ACVR1B: variants seen among roughly 807,000 people sequenced by gnomAD.
ACVR1B encodes activin receptor type-1B.
Under a neutral mutation model 55.6 loss-of-function variants are expected in ACVR1B, and 15 were observed. The ratio of observed to expected loss-of-function variants is 0.27; its 90% CI spans 0.18 to 0.42. The LOEUF (loss-of-function observed/expected upper bound fraction) is 0.42, where lower values mean the gene tolerates loss of function less well. ACVR1B is among the 10% of genes least tolerant of loss of function. The pLI is 1.00. For synonymous variants in ACVR1B, 247 were observed against 254.6 expected, an observed-to-expected ratio of 0.97 and a Z score of 0.28; for missense variants, 359 against 670.1, an observed-to-expected ratio of 0.54 and a Z score of 5.13.
At chr12:51,991,408 G>A (rs1221248304) in intron 7 of ACVR1B, among the ~76,000 whole-genome samples, 2 of 151,484 alleles carry the variant, frequency 1.3e-5, no homozygotes, top group Admixed American at 6.6e-5. Flanking sequence ...TTTTTGTTTA[G>A]TTGTTTTGTT....
intron 4 of ACVR1B, chr12:51,982,763 C>T (rs1273513089): frequency 1.3e-6 from 2 of 1,533,136 alleles, no homozygotes; most frequent in South Asian, 2.4e-5. Flanking sequence ...CCTTAGACTC[C>T]AATACAAGGG....
chr12:51,991,006 A>C (rs570529954), intron 7 of ACVR1B, among the ~76,000 whole-genome samples: 1 of 152,228 alleles, frequency 6.6e-6, no homozygotes, highest in East Asian at 1.9e-4. Flanking sequence ...TTGGTTCTCT[A>C]TTTTTGTGTC....
Position 51,994,173 on chromosome 12 carries a change from C to G in ACVR1B, c.*63C>G, listed in dbSNP as rs944774994. 1.9e-6 allele frequency: 3 copies of G among 1,586,978 alleles called. No homozygotes were observed. In the East Asian group the frequency reaches 6.7e-5, roughly 36 times the overall value. ...AACTACGCACAGCTGCCGCGTTGAG[C>G]GTACGATGGAGGCCTACCTCTCGTT... On this transcript the variant is annotated 3_prime_UTR_variant, in exon 9 of 9. Transcript: ENST00000257963. This position sits in a 1 kb window ranked among gnomAD's most constrained non-coding sequence, Gnocchi z 4.2.
Position 51,954,111 on chromosome 12 carries a change from T to G in ACVR1B, c.91+2277T>G, listed in dbSNP as rs570910974. On this transcript the variant is annotated intron_variant, in intron 1 of 8. Coordinates refer to ENST00000257963, the MANE Select transcript of ACVR1B (RefSeq NM_004302.5). Reference sequence around the variant, plus strand: ...AGAAGTTGATTTTTTTCCCCTCCCCTGCATTTCCTATATAGTGCTCCCCTA... The same window carrying G: ...AGAAGTTGATTTTTTTCCCCTCCCCGGCATTTCCTATATAGTGCTCCCCTA... 3.9e-5 allele frequency among the ~76,000 whole-genome samples: 6 copies of G among 152,320 alleles called. No individual in the cohort carries two copies. In the East Asian group the frequency reaches 9.6e-4, roughly 24 times the overall value.
intron 1 of ACVR1B, among the ~76,000 whole-genome samples, chr12:51,973,942 G>A (rs1481470164): frequency 4.6e-5 from 7 of 152,218 alleles, no homozygotes; most frequent in Admixed American, 4.6e-4. Flanking sequence ...TTTAGAATCT[G>A]TCTTTGGATT....
chr12:51,974,133 G>A (rs1177755045), intron 1 of ACVR1B, among the ~76,000 whole-genome samples: 2 of 152,116 alleles, frequency 1.3e-5, no homozygotes, highest in East Asian at 3.8e-4. Flanking sequence ...TTTACTTAGT[G>A]TGTGATCTGG....
intron 3 of ACVR1B, among the ~76,000 whole-genome samples, chr12:51,978,654 AC>A (rs1363172744): frequency 1.3e-5 from 2 of 150,382 alleles, no homozygotes; most frequent in Non-Finnish European, 3.0e-5. Flanking sequence ...ACATGGTGAA[AC>A]CCTGTCTCTA....
At chr12:51,965,543 T>C (rs1388433253) in intron 1 of ACVR1B, among the ~76,000 whole-genome samples, 5 of 152,088 alleles carry the variant, frequency 3.3e-5, no homozygotes, top group South Asian at 2.1e-4. Flanking sequence ...GTTGGAGATA[T>C]TAGAGTACAG....
chr12:51,992,717 T>C (rs951165640), intron 8 of ACVR1B, among the ~76,000 whole-genome samples: 2 of 152,154 alleles, frequency 1.3e-5, no homozygotes, highest in African/African-American at 2.4e-5. Context: ...GAAAGTGGTC[T>C]TTCCAGAAAC....
chr12:51,970,476 C>T (rs929699603), intron 1 of ACVR1B, among the ~76,000 whole-genome samples: 28 of 152,256 alleles, frequency 1.8e-4, no homozygotes, highest in African/African-American at 2.6e-4. Flanking sequence ...AATAACACAG[C>T]GTAGCTCTGC....
At chr12:51,952,653 C>CG (rs1325036279) in intron 1 of ACVR1B, among the ~76,000 whole-genome samples, 1 of 152,288 alleles carries the variant, frequency 6.6e-6, no homozygotes, top group East Asian at 1.9e-4. Context: ...CACCCTACCC[C>CG]GGGGGGCCCA....
intron 3 of ACVR1B, among the ~76,000 whole-genome samples, chr12:51,977,830 C>T (rs978494435): frequency 1.8e-4 from 26 of 148,036 alleles, no homozygotes; most frequent in Non-Finnish European, 3.1e-4. Flanking sequence ...CTTTGTTGCC[C>T]AGGCTGGTCT....
intron 1 of ACVR1B, among the ~76,000 whole-genome samples, chr12:51,963,320 T>C (rs906327401): frequency 6.6e-6 from 1 of 152,232 alleles, no homozygotes; most frequent in Middle Eastern, 3.4e-3. Flanking sequence ...TCTCGGCTCA[T>C]TGCAACCTCT....
intron 1 of ACVR1B, among the ~76,000 whole-genome samples, chr12:51,972,812 C>T (rs747891976): frequency 2.6e-5 from 4 of 152,080 alleles, no homozygotes; most frequent in Non-Finnish European, 4.4e-5. Flanking sequence ...TGTAATTAGA[C>T]ATAGATATGT....
At chr12:51,991,767 T>TG (rs1942196505) in intron 7 of ACVR1B, 96 bp from the exon 8 acceptor site, 2 of 1,304,120 alleles carry the variant, frequency 1.5e-6, no homozygotes, top group East Asian at 4.7e-5. Context: ...TAGGGGGTAG[T>TG]GGTATTTACA....
intron 7 of ACVR1B, among the ~76,000 whole-genome samples, chr12:51,989,803 G>A (rs1440147640): frequency 2.0e-5 from 3 of 152,046 alleles, no homozygotes; most frequent in African/African-American, 7.2e-5. Flanking sequence ...GGCCAACATA[G>A]TGAAACCCCG....
chr12:51,973,629 T>C (rs531194669), intron 1 of ACVR1B, among the ~76,000 whole-genome samples: 1 of 152,362 alleles, frequency 6.6e-6, no homozygotes, highest in Admixed American at 6.5e-5. Context: ...AGAAATTTAC[T>C]TTTAAAAATC....
chr12:51,979,128 AC>A (rs1407984868), intron 3 of ACVR1B, among the ~76,000 whole-genome samples: 1 of 136,308 alleles, frequency 7.3e-6, no homozygotes, highest in Admixed American at 8.7e-5. Context: ...ATGCCATTGC[AC>A]TCCAGCCTGG....
At chr12:51,982,645 C>CTACAGAAGATGCTATT (rs1442925861) in intron 4 of ACVR1B, 6 of 1,497,940 alleles carry the variant, frequency 4.0e-6, no homozygotes, top group Non-Finnish European at 5.3e-6. Flanking sequence ...TCTACAAAGC[C>CTACAGAAGATGCTATT]TACAGAAGAT....
Sources: allele counts gnomAD v4.1 joint callset (sites outside exome capture counted in the v4.1 genomes callset), GRCh38; gene constraint gnomAD v4.1.1; non-coding constraint Gnocchi (gnomAD v3.1); transcripts MANE v1.5; gene names NCBI Gene and HGNC (gene_info 2026-07-23, HGNC 2026-07-21).